Variants in VPS35L observed in about 807,000 individuals in gnomAD.
The protein encoded by VPS35L is VPS35 endosomal protein sorting factor like, also known as VPS35 endosomal protein-sorting factor-like.
A neutral mutation model predicts 133.0 loss-of-function variants in VPS35L; 83 were observed. The observed-to-expected ratio is 0.62, with a 90% confidence interval of 0.52 to 0.75. The LOEUF (loss-of-function observed/expected upper bound fraction) is 0.75, where lower values mean the gene tolerates loss of function less well. VPS35L is among the 30% of genes least tolerant of loss of function. The probability of loss-of-function intolerance (pLI) is 0.00; values close to 1 mark genes in which losing one functional copy is unlikely to be tolerated. For synonymous variants in VPS35L, 423 were observed against 449.9 expected (o/e 0.94, Z 0.76); for missense variants, 1,083 against 1,206.8 (o/e 0.90, Z 1.52).
chr16:19,694,381 A>C (rs1176108490), intron 29 of VPS35L: 2 of 151,662 alleles, frequency 1.3e-5, no homozygotes, highest in Middle Eastern at 3.1e-3. Context: ...TTTTCAGGAG[A>C]GAGCCCTTTC....
intron 18 of VPS35L, among the ~76,000 whole-genome samples, chr16:19,630,790 A>G (rs539432220): frequency 6.6e-6 from 1 of 152,116 alleles, no homozygotes; most frequent in African/African-American, 2.4e-5. Context: ...TAATGCCCTT[A>G]TAATAAAAGA....
chr16:19,571,423 C>T (rs1157880096), intron 3 of VPS35L, among the ~76,000 whole-genome samples: 1 of 152,082 alleles, frequency 6.6e-6, no homozygotes. Flanking sequence ...CACTGTGTTG[C>T]CAAAGCTGGT....
intron 27 of VPS35L, among the ~76,000 whole-genome samples, chr16:19,671,714 T>A (rs548862152): frequency 6.6e-6 from 1 of 151,850 alleles, no homozygotes; most frequent in South Asian, 2.1e-4. Context: ...GAGGTAGCGG[T>A]TGTAGTGAGC....
chr16:19,562,391 TA>T (rs1345660460), intron 1 of VPS35L, among the ~76,000 whole-genome samples: 1 of 152,070 alleles, frequency 6.6e-6, no homozygotes, highest in Non-Finnish European at 1.5e-5. Context: ...AGCTGAGCAC[TA>T]GCTGGGGAGA....
intron 27 of VPS35L, among the ~76,000 whole-genome samples, chr16:19,671,405 G>A (rs963855083): frequency 3.3e-5 from 5 of 151,096 alleles, no homozygotes; most frequent in Non-Finnish European, 5.9e-5. Context: ...GGAGGCGGAG[G>A]TTGCAGTGAG....
intron 2 of VPS35L, among the ~76,000 whole-genome samples, chr16:19,566,811 A>G (rs1473838687): frequency 1.3e-5 from 2 of 151,536 alleles, no homozygotes; most frequent in African/African-American, 2.4e-5. Flanking sequence ...GTGCAATGGC[A>G]CAATCTCAAC....
intron 27 of VPS35L, among the ~76,000 whole-genome samples, chr16:19,670,377 C>G (rs977122767): frequency 1.3e-5 from 2 of 152,228 alleles, no homozygotes; most frequent in Non-Finnish European, 2.9e-5. Context: ...GCATGGAATC[C>G]TGGCCCATCC....
intron 13 of VPS35L, among the ~76,000 whole-genome samples, chr16:19,616,429 C>A (rs1221060433): frequency 2.0e-5 from 3 of 152,078 alleles, no homozygotes; most frequent in African/African-American, 7.2e-5. Context: ...AGCCTTGCTT[C>A]TGAGCATCTG....
intron 2 of VPS35L, among the ~76,000 whole-genome samples, chr16:19,566,079 A>C (rs146926842): frequency 6.6e-6 from 1 of 152,284 alleles, no homozygotes; most frequent in East Asian, 1.9e-4. Context: ...ATAAAGCAGA[A>C]GACCCCAAGA....
At chr16:19,682,546 T>C (rs1975322855) in intron 28 of VPS35L, among the ~76,000 whole-genome samples, 156 bp downstream of exon 28, 1 of 152,200 alleles carries the variant, frequency 6.6e-6, no homozygotes, top group Admixed American at 6.5e-5. Flanking sequence ...ATCTAAGATT[T>C]ACCTGGAGCA....
chr16:19,645,031 T>A lies in VPS35L; in HGVS notation c.1929+82T>A, dbSNP rs1025349827. On this transcript the variant is annotated intron_variant, in intron 23 of 30. Coordinates refer to ENST00000417362, the MANE Select transcript of VPS35L (RefSeq NM_020314.7). ...CTTATGTTGGCGAAAGCAGTTAACA[T>A]TATGTTCTCTGGTGCTTTTCATTCT... 7.3e-6 allele frequency: 7 copies of A among 954,958 alleles called. No individual in the cohort carries two copies. The African/African-American group carries it at 1.1e-4, about 16-fold the overall frequency. The allele number at this position is 954,958 out of a possible 1,614,324, so 59.2% of individuals were successfully genotyped here.
chr16:19,685,409 T>C (rs1975423039), intron 28 of VPS35L, among the ~76,000 whole-genome samples: 1 of 152,232 alleles, frequency 6.6e-6, no homozygotes, highest in South Asian at 2.1e-4. Context: ...TTTGTGTGGA[T>C]GTACCAAAAT....
chr16:19,558,091 C>T (rs12919957), intron 1 of VPS35L, among the ~76,000 whole-genome samples: 2 of 152,026 alleles, frequency 1.3e-5, no homozygotes, highest in African/African-American at 4.8e-5. Context: ...GTTAAAGGGA[C>T]TGAGTTTTGT....
intron 4 of VPS35L, 122 bp from the exon 5 acceptor site, chr16:19,574,976 A>G: frequency 1.2e-6 from 1 of 800,376 alleles, no homozygotes; most frequent in Non-Finnish European, 1.9e-6. Context: ...GTTTTTAGTG[A>G]CTGTATTTTT....
At chr16:19,611,337 A>G (rs1972713952) in intron 12 of VPS35L, among the ~76,000 whole-genome samples, 2 of 152,240 alleles carry the variant, frequency 1.3e-5, no homozygotes, top group African/African-American at 2.4e-5. Context: ...CAGCTCACAC[A>G]GGGGCTTTGC....
intron 28 of VPS35L, 107 bp from the exon 29 acceptor site, chr16:19,691,246 C>A: frequency 1.1e-6 from 1 of 878,880 alleles, no homozygotes; most frequent in Non-Finnish European, 1.9e-6. Flanking sequence ...CCTGCCACGA[C>A]TTCCTGCCAT....
intron 20 of VPS35L, 141 bp downstream of exon 20, chr16:19,637,797 TTAAG>T (rs1309565060): frequency 3.8e-6 from 2 of 520,544 alleles, no homozygotes; most frequent in Non-Finnish European, 6.6e-6. Flanking sequence ...TCTGATCAAC[TTAAG>T]TATTTATGTC....
At chr16:19,608,024 T>A (rs1972588174) in intron 9 of VPS35L, among the ~76,000 whole-genome samples, 154 bp from the exon 10 acceptor site, 1 of 152,234 alleles carries the variant, frequency 6.6e-6, no homozygotes, top group Non-Finnish European at 1.5e-5. Flanking sequence ...TAAACTATTG[T>A]TATCATCAGT....
chr16:19,605,393 G>GT (rs1370057888), intron 9 of VPS35L, among the ~76,000 whole-genome samples: 4 of 152,180 alleles, frequency 2.6e-5, no homozygotes, highest in Non-Finnish European at 5.9e-5. Context: ...AGTCTAAACT[G>GT]TGTCATGTCA....
Sources: gnomAD v4.1 joint callset for allele counts (sites outside exome capture counted in the v4.1 genomes callset) on GRCh38, gnomAD v4.1.1 for gene constraint, MANE v1.5 for transcripts, NCBI Gene and HGNC (gene_info 2026-07-23, HGNC 2026-07-21) for gene names.